GRID2: variants seen among roughly 807,000 people sequenced by gnomAD.
The protein encoded by GRID2 is glutamate ionotropic receptor delta type subunit 2, also known as glutamate receptor ionotropic, delta-2.
Under a neutral mutation model 114.8 loss-of-function variants are expected in GRID2, and 33 were observed. The observed-to-expected ratio is 0.29, with a 90% CI of 0.22 to 0.38. GRID2 has a LOEUF of 0.38. GRID2 is among the 10% of genes least tolerant of loss of function. The probability of loss-of-function intolerance (pLI) is 1.00; values close to 1 mark genes in which losing one functional copy is unlikely to be tolerated. For synonymous variants in GRID2, 505 were observed against 449.9 expected (o/e 1.12, Z -1.55); for missense variants, 1,184 against 1,257.7 (o/e 0.94, Z 0.89).
chr4:92,699,979 T>C (rs903766030), intron 2 of GRID2, among the ~76,000 whole-genome samples: 1 of 152,226 alleles, frequency 6.6e-6, no homozygotes, highest in Admixed American at 6.5e-5. Flanking sequence ...ATAGATGTCT[T>C]TAATGTGTAC....
At chr4:92,889,069 A>G (rs1746566711) in intron 2 of GRID2, among the ~76,000 whole-genome samples, 1 of 152,186 alleles carries the variant, frequency 6.6e-6, no homozygotes, top group Middle Eastern at 3.2e-3. Flanking sequence ...AGTATGTTTT[A>G]CATGGCCTGA....
At chr4:92,401,160 C>G (rs1730770374) in intron 1 of GRID2, among the ~76,000 whole-genome samples, 1 of 151,964 alleles carries the variant, frequency 6.6e-6, no homozygotes, top group Non-Finnish European at 1.5e-5. Flanking sequence ...AACAATTTGC[C>G]TAATCCAAGG....
chr4:92,922,677 A>G (rs557783805), intron 2 of GRID2, among the ~76,000 whole-genome samples: 1 of 152,354 alleles, frequency 6.6e-6, no homozygotes, highest in African/African-American at 2.4e-5. Flanking sequence ...AGGAGGATAA[A>G]TATATAAATT....
intron 2 of GRID2, among the ~76,000 whole-genome samples, chr4:92,673,829 G>A (rs1733194035): frequency 2.0e-5 from 3 of 152,016 alleles, no homozygotes; most frequent in Non-Finnish European, 4.4e-5. Context: ...GTCATGGGGT[G>A]GGGAGGAAGG....
At chr4:93,135,026 C>T (rs967087023) in intron 4 of GRID2, among the ~76,000 whole-genome samples, 2 of 152,088 alleles carry the variant, frequency 1.3e-5, no homozygotes, top group African/African-American at 2.4e-5. Flanking sequence ...GTTTACTGTG[C>T]AATCATACAT....
chr4:92,378,908 T>G (rs192113031), intron 1 of GRID2, among the ~76,000 whole-genome samples: 24 of 152,014 alleles, frequency 1.6e-4, no homozygotes, highest in African/African-American at 4.8e-4. Flanking sequence ...TTTTATTTAT[T>G]TTGCCTTCAT....
At chr4:93,182,537 T>C (rs183393763) in intron 4 of GRID2, among the ~76,000 whole-genome samples, 17 of 152,268 alleles carry the variant, frequency 1.1e-4, no homozygotes, top group African/African-American at 4.1e-4. Flanking sequence ...TCTCTCTACT[T>C]CAGTTATGTA....
chr4:93,343,499 A>G (rs1759872334), intron 8 of GRID2, among the ~76,000 whole-genome samples: 1 of 152,124 alleles, frequency 6.6e-6, no homozygotes, highest in Non-Finnish European at 1.5e-5. Context: ...AGATACAGTG[A>G]AAGGGCATTG....
At chr4:92,602,935 G>T (rs1224266946) in intron 2 of GRID2, among the ~76,000 whole-genome samples, 1 of 152,048 alleles carries the variant, frequency 6.6e-6, no homozygotes, top group Non-Finnish European at 1.5e-5. Flanking sequence ...AATAATAAAT[G>T]AACTCCAATT....
intron 9 of GRID2, among the ~76,000 whole-genome samples, chr4:93,414,908 C>A (rs1461306231): frequency 6.6e-6 from 1 of 151,840 alleles, no homozygotes; most frequent in East Asian, 1.9e-4. Context: ...TGCCACTAAT[C>A]CTGAAACATT....
At chr4:93,554,492 T>A (rs1396109359) in intron 13 of GRID2, among the ~76,000 whole-genome samples, 1 of 152,188 alleles carries the variant, frequency 6.6e-6, no homozygotes, top group East Asian at 1.9e-4. Flanking sequence ...GTTTATGGGG[T>A]ACTTGTGATA....
intron 8 of GRID2, among the ~76,000 whole-genome samples, chr4:93,285,865 A>T (rs1382789374): frequency 6.6e-6 from 1 of 152,002 alleles, no homozygotes; most frequent in African/African-American, 2.4e-5. Flanking sequence ...ATGTTGCTTG[A>T]AAATAAAATC....
chr4:93,224,576 T>A, intron 6 of GRID2, 38 bp from the exon 7 acceptor site: 1 of 1,368,666 alleles, frequency 7.3e-7, no homozygotes, highest in Non-Finnish European at 1.0e-6. Flanking sequence ...ATGACTGGTG[T>A]CAATGATTCT....
rs58012485 is a variant in GRID2, at chr4:92,726,594, T to C, written c.244+136308T>C. On this transcript the variant is annotated intron_variant, in intron 2 of 15. Transcript: ENST00000282020. The stretch of plus-strand genomic sequence containing the variant: ...TTATCTTACCATAAAATATTTCTTA[T>C]TTTGAAGCTGTAGTGAAAAAATATA... 6.8e-3 allele frequency among the ~76,000 whole-genome samples: 1,033 copies of C among 152,194 alleles called. 14 individuals carry two copies. Among genetic ancestry groups the C allele is most frequent in the African/African-American group, 0.022 (927 of 41,546 alleles).
chr4:92,345,403 G>A (rs941588268), intron 1 of GRID2, among the ~76,000 whole-genome samples: 1 of 152,164 alleles, frequency 6.6e-6, no homozygotes, highest in African/African-American at 2.4e-5. Flanking sequence ...ATTGCAAATT[G>A]TGCTGCTATA....
chr4:93,647,336 A>G (rs909813312), intron 14 of GRID2, among the ~76,000 whole-genome samples: 1 of 152,182 alleles, frequency 6.6e-6, no homozygotes, highest in Non-Finnish European at 1.5e-5. Context: ...ACATAGCGAC[A>G]TATTTAATGA....
chr4:93,434,257 T>C (rs1173147525), intron 10 of GRID2, among the ~76,000 whole-genome samples: 1 of 152,130 alleles, frequency 6.6e-6, no homozygotes, highest in African/African-American at 2.4e-5. Context: ...GGTAGTCTGA[T>C]AGGATTTGCT....
intron 2 of GRID2, among the ~76,000 whole-genome samples, chr4:92,694,666 A>C (rs1035870775): frequency 6.6e-6 from 1 of 152,170 alleles, no homozygotes; most frequent in Non-Finnish European, 1.5e-5. Context: ...ATAAATGTAA[A>C]CATAAGCACA....
chr4:93,101,691 ATAG>A (rs1373767561), intron 3 of GRID2, among the ~76,000 whole-genome samples: 1 of 152,098 alleles, frequency 6.6e-6, no homozygotes, highest in Non-Finnish European at 1.5e-5. Flanking sequence ...TTTACAGATG[ATAG>A]TAAAGTCATT....
Sources: allele counts gnomAD v4.1 joint callset (sites outside exome capture counted in the v4.1 genomes callset), GRCh38; gene constraint gnomAD v4.1.1; transcripts MANE v1.5; gene names NCBI Gene and HGNC (gene_info 2026-07-23, HGNC 2026-07-21).